CRB1: variants seen among roughly 807,000 people sequenced by gnomAD.
CRB1 encodes protein crumbs homolog 1.
In CRB1, 83 loss-of-function variants were observed where a neutral mutation model predicts 120.0. The observed-to-expected ratio is 0.69, with a 90% confidence interval of 0.58 to 0.83. The LOEUF (loss-of-function observed/expected upper bound fraction) is 0.83, where lower values mean the gene tolerates loss of function less well. Ranked by LOEUF, CRB1 falls within the 40% of genes least tolerant of loss-of-function variation. CRB1 has a pLI of 0.00. For missense variants in CRB1, 1,699 were observed against 1,687.6 expected, an observed-to-expected ratio of 1.01 and a Z score of -0.12; for synonymous variants, 625 against 612.5, an observed-to-expected ratio of 1.02 and a Z score of -0.30.
chr1:197,223,012 A>G, the CRB1 span: 2 of 791,716 alleles, frequency 2.5e-6, no homozygotes, highest in South Asian at 2.7e-5. Flanking sequence ...CTATTAAGTC[A>G]TTTGACACCT....
chr1:197,286,317 A>C (rs1456218688), intron 1 of CRB1, among the ~76,000 whole-genome samples: 1 of 151,896 alleles, frequency 6.6e-6, no homozygotes, highest in Non-Finnish European at 1.5e-5. Context: ...TGAATCGTAT[A>C]AAACTCCTGC....
chr1:197,409,755 G>C (rs2125448455), intron 5 of CRB1, among the ~76,000 whole-genome samples: 1 of 152,184 alleles, frequency 6.6e-6, no homozygotes, highest in South Asian at 2.1e-4. Flanking sequence ...CACAGTGACT[G>C]GCACAGATCT....
intron 5 of CRB1, among the ~76,000 whole-genome samples, chr1:197,397,635 A>T (rs552561001): frequency 2.0e-5 from 3 of 152,314 alleles, no homozygotes; most frequent in South Asian, 2.1e-4. Flanking sequence ...CAATAAAAAG[A>T]CCCAAACCAT....
intron 5 of CRB1, among the ~76,000 whole-genome samples, chr1:197,379,621 A>T (rs1377288433): frequency 1.3e-5 from 2 of 152,012 alleles, no homozygotes; most frequent in African/African-American, 4.8e-5. Flanking sequence ...AAAAAAAAAA[A>T]AAAAAAAACC....
At chr1:197,357,058 A>G (rs909001086) in intron 5 of CRB1, 45 bp downstream of exon 5, 2 of 1,576,094 alleles carry the variant, frequency 1.3e-6, no homozygotes, top group African/African-American at 1.3e-5. Flanking sequence ...CTGGTATTTT[A>G]TGGCAGACCA....
At chr1:197,222,613 A>G in the CRB1 span, 2 of 772,446 alleles carry the variant, frequency 2.6e-6, no homozygotes, top group Non-Finnish European at 4.8e-6. Context: ...GAAAGAGTGT[A>G]TTTGGTAGGG....
At chr1:197,463,660 T>C (rs1020767538) in intron 11 of CRB1, among the ~76,000 whole-genome samples, 1 of 152,214 alleles carries the variant, frequency 6.6e-6, no homozygotes, top group Non-Finnish European at 1.5e-5. Context: ...TTAAATCATC[T>C]TTTAAATACA....
intron 3 of CRB1, among the ~76,000 whole-genome samples, chr1:197,346,538 A>AAATGGTGTGATCTCC (rs1659786411): frequency 2.0e-5 from 3 of 152,218 alleles, no homozygotes; most frequent in East Asian, 3.9e-4. Context: ...AAACACACAC[A>AAATGGTGTGATCTCC]GCCATAGCGA....
At chr1:197,362,917 T>C (rs1660850197) in intron 5 of CRB1, among the ~76,000 whole-genome samples, 1 of 152,130 alleles carries the variant, frequency 6.6e-6, no homozygotes, top group Non-Finnish European at 1.5e-5. Context: ...GCTCTATGAT[T>C]TTATTATGTG....
rs182882258 is a variant in CRB1, at chr1:197,377,520, G to A, written c.1171+20507G>A. Reference sequence around the variant, plus strand: ...GAAGATTCTTTCATTCTCCTAATCCGGAAGTAACTAGATGAGCCTCAGAAT... The same window carrying A: ...GAAGATTCTTTCATTCTCCTAATCCAGAAGTAACTAGATGAGCCTCAGAAT... On this transcript the variant is annotated intron_variant, in intron 5 of 11. Coordinates refer to ENST00000367400, the MANE Select transcript of CRB1 (RefSeq NM_201253.3). Among the ~76,000 whole-genome samples the A allele has an allele frequency of 9.7e-4, 147 of 152,166 alleles. 1 individual carries two copies. The highest frequency in any genetic ancestry group is 2.7e-3 in the Admixed American group (42 of 15,284).
chr1:197,353,814 T>TAAAAAAAAAAAAAAA (rs57274486), intron 4 of CRB1, among the ~76,000 whole-genome samples: 1 of 89,392 alleles, frequency 1.1e-5, no homozygotes, highest in Non-Finnish European at 2.1e-5. Flanking sequence ...AATATATAAA[T>TAAAAAAAAAAAAAAA]AAAAAAAAAA....
upstream of CRB1, among the ~76,000 whole-genome samples, chr1:197,267,358 G>A (rs1348413428): frequency 6.6e-6 from 1 of 152,092 alleles, no homozygotes; most frequent in Non-Finnish European, 1.5e-5. Context: ...GTATGTGAGA[G>A]AATAATATTG....
At chr1:197,410,935 T>C (rs1377113474) in intron 5 of CRB1, among the ~76,000 whole-genome samples, 1 of 152,240 alleles carries the variant, frequency 6.6e-6, no homozygotes, top group African/African-American at 2.4e-5. Flanking sequence ...TAGAAGATTC[T>C]GCACAGTGAG....
chr1:197,215,019 G>A, the CRB1 span, among the ~76,000 whole-genome samples: 1 of 152,168 alleles, frequency 6.6e-6, no homozygotes, highest in Admixed American at 6.5e-5. Flanking sequence ...TCCCTGGGAT[G>A]CAAGAATGGC....
chr1:197,318,159 A>G lies in CRB1; in HGVS notation c.71-10263A>G, dbSNP rs538763390. On this transcript the variant is annotated intron_variant, in intron 1 of 11. Coordinates refer to ENST00000367400, the MANE Select transcript of CRB1 (RefSeq NM_201253.3). ...AACTCAACACCAACAACAAAAGTAA[A>G]CCCATCAAAAAATGAGCGAAAGACT... Among the ~76,000 whole-genome samples, 64 of 152,270 alleles carry G rather than the reference A, an allele frequency of 4.2e-4. No homozygotes were observed. The South Asian group carries it at 0.013, about 31-fold the overall frequency.
intron 5 of CRB1, chr1:197,357,984 A>G (rs1478097918): frequency 6.6e-6 from 1 of 152,206 alleles, no homozygotes; most frequent in African/African-American, 2.4e-5. Flanking sequence ...AACTTCTATC[A>G]TGCATGCTTT....
chr1:197,320,581 G>T (rs1014240517), intron 1 of CRB1, among the ~76,000 whole-genome samples: 13 of 152,118 alleles, frequency 8.5e-5, no homozygotes, highest in Non-Finnish European at 1.9e-4. Flanking sequence ...AGTAGATGGT[G>T]GTAGGCAGGA....
At chr1:197,352,686 C>CTTTTTTT (rs5779865) in intron 4 of CRB1, among the ~76,000 whole-genome samples, 1 of 137,160 alleles carries the variant, frequency 7.3e-6, no homozygotes. Flanking sequence ...TTTTACTTTC[C>CTTTTTTT]TTTTTTTTTT....
chr1:197,449,648 G>C (rs1260927079), intron 11 of CRB1, among the ~76,000 whole-genome samples: 1 of 152,192 alleles, frequency 6.6e-6, no homozygotes, highest in East Asian at 1.9e-4. Flanking sequence ...TTACAAGCGT[G>C]AGCCACCACG....
Sources: allele counts gnomAD v4.1 joint callset (sites outside exome capture counted in the v4.1 genomes callset), GRCh38; gene constraint gnomAD v4.1.1; transcripts MANE v1.5; gene names NCBI Gene and HGNC (gene_info 2026-07-23, HGNC 2026-07-21).